The following OR3A2 variants were observed in gnomAD, a reference collection of about 807,000 sequenced individuals.
OR3A2 encodes the protein olfactory receptor family 3 subfamily A member 2.
For missense variants in OR3A2, 318 were observed against 392.8 expected (o/e 0.81, Z 1.61); for synonymous variants, 126 against 159.3 (o/e 0.79, Z 1.57).
chr17:3,376,154 G>A (rs2049681456), intron 2 of OR3A2, among the ~76,000 whole-genome samples: 1 of 152,236 alleles, frequency 6.6e-6, no homozygotes, highest in Non-Finnish European at 1.5e-5. Flanking sequence ...AGTGGAATGA[G>A]ATATTGTTTT....
chr17:3,292,679 G>A (rs565005394), intron 3 of OR3A2: 12 of 1,081,330 alleles, frequency 1.1e-5, no homozygotes, highest in African/African-American at 3.2e-5. Context: ...CTACTTGCCC[G>A]GCCCTCTGCC....
At chr17:3,318,068 G>A (rs1034194473) in intron 3 of OR3A2, among the ~76,000 whole-genome samples, 1 of 152,186 alleles carries the variant, frequency 6.6e-6, no homozygotes, top group African/African-American at 2.4e-5. Flanking sequence ...AGGGTCTCGG[G>A]AGATATCTAT....
At chr17:3,356,340 A>G (rs534610851) in intron 2 of OR3A2, among the ~76,000 whole-genome samples, 6 of 151,488 alleles carry the variant, frequency 4.0e-5, no homozygotes, top group Non-Finnish European at 7.4e-5. Context: ...GTACCTTCAG[A>G]TAATTTTTCC....
intron 2 of OR3A2, among the ~76,000 whole-genome samples, chr17:3,337,892 C>G (rs2049285012): frequency 6.6e-6 from 1 of 152,198 alleles, no homozygotes; most frequent in South Asian, 2.1e-4. Flanking sequence ...GTCCCACCAA[C>G]AGTGTAAAAG....
intron 3 of OR3A2, among the ~76,000 whole-genome samples, chr17:3,319,496 A>C (rs1215020873): frequency 1.3e-5 from 2 of 152,048 alleles, no homozygotes; most frequent in Admixed American, 6.5e-5. Context: ...ATTTAGCATT[A>C]GGTATATCTC....
rs192355786 is a variant in OR3A2, at chr17:3,370,681, T to C, written c.-179+13123A>G. On this transcript the variant is annotated intron_variant, in intron 2 of 4. Coordinates refer to the OR3A2 transcript ENST00000573491. ...CTTGGGTGTTTCTCGCAGAGGGGGA[T>C]TTGGCAGGGTCATAGGACAATAGTG... 6.5e-3 allele frequency among the ~76,000 whole-genome samples: 991 copies of C among 151,474 alleles called. 10 individuals are homozygous for C. Among genetic ancestry groups the C allele is most frequent in the African/African-American group, 0.022 (913 of 41,290 alleles).
Position 3,304,108 on chromosome 17 carries a change from CA to C in OR3A2, c.-84-24956del, listed in dbSNP as rs2048985361. Among the ~76,000 whole-genome samples the C allele has an allele frequency of 2.0e-5, 3 of 151,950 alleles. No individual in the cohort carries two copies. In the South Asian group the frequency reaches 6.2e-4, roughly 32 times the overall value. On this transcript the variant is annotated intron_variant, in intron 3 of 4. Coordinates refer to the OR3A2 transcript ENST00000573491. ...TTGGCTTTGATTAGGGGGACTGAGA[CA>C]ACACTCTTTGTAGGACTCTACACAA...
At chr17:3,299,517 G>T (rs1027962723) in intron 3 of OR3A2, among the ~76,000 whole-genome samples, 1 of 152,186 alleles carries the variant, frequency 6.6e-6, no homozygotes, top group Non-Finnish European at 1.5e-5. Flanking sequence ...AATTCTCTAG[G>T]CCAGGACCTT....
intron 3 of OR3A2, among the ~76,000 whole-genome samples, chr17:3,289,918 A>C (rs1567543205): frequency 6.6e-6 from 1 of 152,208 alleles, no homozygotes; most frequent in African/African-American, 2.4e-5. Context: ...GCCGTCAGCC[A>C]GCATGACTCA....
At chr17:3,319,527 T>C (rs2049102575) in intron 3 of OR3A2, among the ~76,000 whole-genome samples, 1 of 151,966 alleles carries the variant, frequency 6.6e-6, no homozygotes, top group South Asian at 2.1e-4. Context: ...CCTTCCCCCA[T>C]CCCACCACCC....
At chr17:3,357,209 G>A (rs2049471284) in intron 2 of OR3A2, among the ~76,000 whole-genome samples, 1 of 151,602 alleles carries the variant, frequency 6.6e-6, no homozygotes, top group Non-Finnish European at 1.5e-5. Context: ...TGGGAACCAT[G>A]GGGCTTCATC....
intron 3 of OR3A2, among the ~76,000 whole-genome samples, chr17:3,295,354 G>A (rs568109499): frequency 1.3e-5 from 2 of 152,014 alleles, no homozygotes; most frequent in South Asian, 2.1e-4. Flanking sequence ...AAAGAAACAG[G>A]AATATACTAA....
chr17:3,347,189 CAA>C (rs2049372355), intron 2 of OR3A2, among the ~76,000 whole-genome samples: 1 of 152,072 alleles, frequency 6.6e-6, no homozygotes, highest in Admixed American at 6.6e-5. Context: ...CTCCACAACT[CAA>C]TGATGTTGAG....
At chr17:3,315,978 G>A (rs1029506967) in intron 3 of OR3A2, among the ~76,000 whole-genome samples, 3 of 152,102 alleles carry the variant, frequency 2.0e-5, no homozygotes, top group African/African-American at 7.2e-5. Context: ...TTATCCTTAA[G>A]AGAATAGCCC....
intron 2 of OR3A2, among the ~76,000 whole-genome samples, chr17:3,369,680 G>C (rs1318848305): frequency 1.3e-5 from 2 of 151,946 alleles, no homozygotes; most frequent in African/African-American, 4.8e-5. Context: ...TAGGATATTG[G>C]TCTGTAATTT....
In OR3A2 at chr17:3,278,545, G is replaced by A. The variant is rs375263331; in HGVS notation, c.373C>T (p.Arg125Ter). 15 of 1,612,874 alleles carry A rather than the reference G, an allele frequency of 9.3e-6. No individual in the cohort carries two copies. The highest frequency in any genetic ancestry group is 5.0e-5 in the Admixed American group (3 of 59,862). Residue 125 changes from arginine (R) to a stop codon, truncating the protein, a stop_gained, in exon 2 of 2, where the codon CGA becomes TGA. Transcript: ENST00000642052. LOFTEE classifies it low-confidence loss of function (END_TRUNC). ...AGGGGCTGGCAGATGGCCAGGAGTC[G>A]GTCATAGGCCATGGCGGTCAGCAGG...
At chr17:3,338,532 C>T (rs28840463) in intron 2 of OR3A2, among the ~76,000 whole-genome samples, 2,086 of 152,208 alleles carry the variant, frequency 0.014, 36 homozygotes, top group African/African-American at 0.046. Context: ...ATAGGGAATC[C>T]TTTCCCCATT....
At chr17:3,355,057 T>C (rs1279530776) in intron 2 of OR3A2, among the ~76,000 whole-genome samples, 1 of 151,452 alleles carries the variant, frequency 6.6e-6, no homozygotes, top group Admixed American at 6.6e-5. Flanking sequence ...AATGTGTTCA[T>C]ATAGTTCCAA....
At chr17:3,348,889 G>A (rs541196491) in intron 2 of OR3A2, among the ~76,000 whole-genome samples, 10,308 of 151,378 alleles carry the variant, frequency 0.068, 415 homozygotes, top group Admixed American at 0.12. Context: ...ACATTCTTAA[G>A]GAAAAGAATT....
Sources: allele counts gnomAD v4.1 joint callset (sites outside exome capture counted in the v4.1 genomes callset), GRCh38; gene constraint gnomAD v4.1.1; transcripts MANE v1.5; gene names NCBI Gene and HGNC (gene_info 2026-07-23, HGNC 2026-07-21).